RMP64: variants seen among roughly 807,000 people sequenced by gnomAD.
RMP64 encodes ribonuclease MRP subunit p64.
the RMP64 span, chr3:113,019,244 G>A: frequency 6.9e-6 from 3 of 435,138 alleles, no homozygotes; most frequent in Non-Finnish European, 1.2e-5. Context: ...ACTGTTCCCC[G>A]GCACCAGCTG....
chr3:113,010,579 G>T, the RMP64 span: 4 of 1,293,284 alleles, frequency 3.1e-6, no homozygotes, highest in Non-Finnish European at 4.5e-6. Flanking sequence ...CTCTGCCCTT[G>T]GTAAGAAGCA....
chr3:113,009,214 AT>A, the RMP64 span, among the ~76,000 whole-genome samples: 3 of 152,014 alleles, frequency 2.0e-5, no homozygotes, highest in Non-Finnish European at 4.4e-5. Flanking sequence ...TCACATTTGG[AT>A]TTTACTAACG....
At chr3:113,011,363 CAT>C in the RMP64 span, 2 of 1,599,992 alleles carry the variant, frequency 1.3e-6, no homozygotes, top group Non-Finnish European at 1.7e-6. Context: ...AACAAAGGCT[CAT>C]ATAACAAAAT....
the RMP64 span, chr3:113,014,555 C>G: frequency 6.6e-6 from 1 of 152,454 alleles, no homozygotes; most frequent in Non-Finnish European, 1.5e-5. Flanking sequence ...CGGGGTTTCA[C>G]CGTGTTTGCC....
chr3:113,019,459 A>C, the RMP64 span: 1 of 1,163,696 alleles, frequency 8.6e-7, no homozygotes, highest in Non-Finnish European at 1.2e-6. Flanking sequence ...AAGTCCCGGT[A>C]CCACCCCCGC....
At chr3:113,005,935 T>C in the RMP64 span, 1 of 1,613,948 alleles carries the variant, frequency 6.2e-7, no homozygotes, top group Non-Finnish European at 8.5e-7. Context: ...GCTTTGAAGT[T>C]TTGATACCTG....
At chr3:113,003,152 AGCAACATGGT>A in the RMP64 span, 1 of 152,330 alleles carries the variant, frequency 6.6e-6, no homozygotes, top group Non-Finnish European at 1.5e-5. Context: ...GACCAGCCTA[AGCAACATGGT>A]GAAACCCTAT....
At chr3:113,014,357 AT>A in the RMP64 span, 13,027 of 163,046 alleles carry the variant, frequency 0.08, 431 homozygotes, top group South Asian at 0.18. Flanking sequence ...CTAAGACAAG[AT>A]TTTTTTTTTT....
chr3:113,016,906 G>GTA, the RMP64 span, among the ~76,000 whole-genome samples: 1 of 152,142 alleles, frequency 6.6e-6, no homozygotes, highest in Non-Finnish European at 1.5e-5. Context: ...CTACTCTATG[G>GTA]TATAGCCCCT....
At chr3:113,013,449 GGGTTTTTTTTT>G in the RMP64 span, 1 of 1,386,402 alleles carries the variant, frequency 7.2e-7, no homozygotes, top group African/African-American at 1.7e-5. Flanking sequence ...TAAAAAAAAA[GGGTTTTTTTTT>G]TGTTTTTTTT....
At chr3:113,014,823 TTC>T in the RMP64 span, 1 of 152,230 alleles carries the variant, frequency 6.6e-6, no homozygotes, top group Non-Finnish European at 1.5e-5. Flanking sequence ...CCTCTGCATC[TTC>T]TCTCTTTCTC....
At chr3:113,012,476 C>T in the RMP64 span, 1 of 316,492 alleles carries the variant, frequency 3.2e-6, no homozygotes, top group Non-Finnish European at 5.7e-6. Flanking sequence ...TTCAGTGTGA[C>T]ACCAGTCACT....
the RMP64 span, chr3:113,019,629 G>C: frequency 1.9e-6 from 3 of 1,613,408 alleles, no homozygotes; most frequent in African/African-American, 2.7e-5. Context: ...TCCAGGCCCG[G>C]CGGCACCGCA....
chr3:113,008,518 A>C, the RMP64 span: 1 of 1,165,508 alleles, frequency 8.6e-7, no homozygotes, highest in Non-Finnish European at 1.2e-6. Flanking sequence ...TCACAATCAA[A>C]ATTTAAAAAT....
the RMP64 span, chr3:113,017,498 T>C: frequency 6.2e-7 from 1 of 1,614,080 alleles, no homozygotes; most frequent in African/African-American, 1.3e-5. Context: ...TTGTGATTGC[T>C]GTAAAGGACT....
the RMP64 span, chr3:113,014,031 A>T: frequency 6.2e-7 from 1 of 1,605,294 alleles, no homozygotes; most frequent in Non-Finnish European, 8.5e-7. Flanking sequence ...ACATTGCTCA[A>T]CCTGAAAGAA....
At chr3:113,016,396 G>A in the RMP64 span, among the ~76,000 whole-genome samples, 1 of 151,360 alleles carries the variant, frequency 6.6e-6, no homozygotes, top group Non-Finnish European at 1.5e-5. Flanking sequence ...ACCAGATGCA[G>A]AGGAAGTTTT....
the RMP64 span, chr3:113,010,952 C>G: frequency 1.7e-6 from 2 of 1,173,992 alleles, no homozygotes; most frequent in Non-Finnish European, 2.4e-6. Context: ...TGTTGAATTT[C>G]TTTCTATGCA....
At chr3:113,005,852 G>A in the RMP64 span, 67 of 1,613,660 alleles carry the variant, frequency 4.2e-5, no homozygotes, top group African/African-American at 8.0e-5. Flanking sequence ...TAAAAGAGTC[G>A]ACTGCAACTT....
Sources: allele counts gnomAD v4.1 joint callset (sites outside exome capture counted in the v4.1 genomes callset), GRCh38; gene constraint gnomAD v4.1.1; transcripts MANE v1.5; gene names NCBI Gene and HGNC (gene_info 2026-07-23, HGNC 2026-07-21).